PRKG1: variants seen among roughly 807,000 people sequenced by gnomAD.
PRKG1 encodes cGMP-dependent protein kinase 1.
Under a neutral mutation model 88.1 loss-of-function variants are expected in PRKG1, and 35 were observed. That is an observed-to-expected ratio of 0.40 (90% CI 0.30 to 0.53). PRKG1 has a LOEUF of 0.53. Ranked by LOEUF, PRKG1 falls within the 20% of genes least tolerant of loss-of-function variation. PRKG1 has a pLI of 0.59. For missense variants in PRKG1, 540 were observed against 839.8 expected (o/e 0.64, Z 4.41); for synonymous variants, 303 against 292.5 (o/e 1.04, Z -0.37).
chr10:51,399,859 T>C lies in PRKG1; in HGVS notation c.479-67864T>C, dbSNP rs576096623. Among the ~76,000 whole-genome samples the C allele has an allele frequency of 2.0e-5, 3 of 152,258 alleles. No individual in the cohort carries two copies. In the South Asian group the frequency reaches 6.2e-4, roughly 32 times the overall value. ...ATCTGAATCCATTGGTGTCAGCCCA[T>C]GGTGGAGAGCTAGAGCATGGAATGT... On this transcript the variant is annotated intron_variant, in intron 2 of 17. Transcript: ENST00000373980.
intron 17 of PRKG1, 82 bp downstream of exon 17, chr10:52,290,372 G>T: frequency 8.3e-7 from 1 of 1,201,100 alleles, no homozygotes; most frequent in Non-Finnish European, 1.2e-6. Context: ...TATTTTTAAA[G>T]TTTAATCCTA....
At chr10:52,000,172 A>G (rs1844558151) in intron 5 of PRKG1, among the ~76,000 whole-genome samples, 1 of 152,066 alleles carries the variant, frequency 6.6e-6, no homozygotes, top group Admixed American at 6.6e-5. Context: ...AGAGCTCAGG[A>G]TGATACATAT....
At chr10:51,022,709 G>GA (rs560277687) in intron 1 of PRKG1, among the ~76,000 whole-genome samples, 87 of 151,794 alleles carry the variant, frequency 5.7e-4, no homozygotes, top group African/African-American at 2.0e-3. Flanking sequence ...AAATCAATTA[G>GA]AAAAAAAAGA....
chr10:52,273,591 C>T (rs1841790404), intron 12 of PRKG1, among the ~76,000 whole-genome samples: 1 of 151,990 alleles, frequency 6.6e-6, no homozygotes, highest in South Asian at 2.1e-4. Context: ...GTACAACAGG[C>T]CCTTTCGTGT....
At chr10:51,000,996 T>A (rs997589229) in intron 1 of PRKG1, among the ~76,000 whole-genome samples, 3 of 152,218 alleles carry the variant, frequency 2.0e-5, no homozygotes, top group African/African-American at 7.2e-5. Flanking sequence ...TGTGGGGACA[T>A]AGAGTTAGAT....
intron 4 of PRKG1, among the ~76,000 whole-genome samples, chr10:51,853,584 G>A (rs528833464): frequency 6.6e-6 from 1 of 152,256 alleles, no homozygotes; most frequent in South Asian, 2.1e-4. Context: ...TAATTCTTTA[G>A]CAGACAGCAG....
intron 7 of PRKG1, among the ~76,000 whole-genome samples, chr10:52,110,288 C>T (rs934937092): frequency 7.2e-5 from 11 of 151,986 alleles, no homozygotes; most frequent in Non-Finnish European, 1.3e-4. Flanking sequence ...GCGGAGATCG[C>T]GCCACTGCAC....
intron 2 of PRKG1, among the ~76,000 whole-genome samples, chr10:51,455,935 T>C (rs993908744): frequency 1.3e-5 from 2 of 152,222 alleles, no homozygotes; most frequent in African/African-American, 4.8e-5. Context: ...CGTTTTTGGG[T>C]ATCTTTACAG....
At chr10:51,289,669 TGAGAGAGA>T (rs34176694) in intron 2 of PRKG1, among the ~76,000 whole-genome samples, 3 of 148,382 alleles carry the variant, frequency 2.0e-5, no homozygotes, top group Admixed American at 6.7e-5. Flanking sequence ...GTAGATTCCA[TGAGAGAGA>T]GAGAGAGAGA....
chr10:51,041,630 G>T (rs535778644), intron 1 of PRKG1, among the ~76,000 whole-genome samples: 1 of 152,076 alleles, frequency 6.6e-6, no homozygotes, highest in East Asian at 1.9e-4. Context: ...TGGAATTAGG[G>T]CCTGGAATGG....
rs138114454 is a variant in PRKG1 at position 51,098,903 on chromosome 10, T to C, written c.311+24002T>C. On this transcript the variant is annotated intron_variant, in intron 1 of 17. Coordinates refer to ENST00000373980, the MANE Select transcript of PRKG1 (RefSeq NM_006258.4). The stretch of plus-strand genomic sequence containing the variant: ...TGGTTTTTCAGACATCAAGAAAAAC[T>C]GGAAGCATTTAGGAGATTCCACCCA... Among the ~76,000 whole-genome samples the C allele has an allele frequency of 4.1e-4, 62 of 152,318 alleles. 1 individual carries two copies. In the East Asian group the frequency reaches 8.9e-3, roughly 22 times the overall value.
chr10:52,211,984 T>A (rs1219849763), intron 9 of PRKG1, among the ~76,000 whole-genome samples: 1 of 152,134 alleles, frequency 6.6e-6, no homozygotes, highest in Non-Finnish European at 1.5e-5. Context: ...CAAATTAACT[T>A]TTTTATTAGG....
chr10:52,020,896 A>C (rs77521503), intron 5 of PRKG1, among the ~76,000 whole-genome samples: 1 of 152,128 alleles, frequency 6.6e-6, no homozygotes, highest in African/African-American at 2.4e-5. Context: ...GCATTCAATT[A>C]GCATTTTAAT....
chr10:51,388,838 T>C (rs1367424989), intron 2 of PRKG1, among the ~76,000 whole-genome samples: 1 of 152,222 alleles, frequency 6.6e-6, no homozygotes, highest in Admixed American at 6.5e-5. Flanking sequence ...GAAGTTTTTT[T>C]CTCACCAGCG....
At chr10:51,506,482 G>A (rs945785171) in intron 3 of PRKG1, among the ~76,000 whole-genome samples, 11 of 152,156 alleles carry the variant, frequency 7.2e-5, no homozygotes, top group Admixed American at 4.6e-4. Flanking sequence ...CCATCAACAA[G>A]TGGGCAAAGG....
intron 2 of PRKG1, among the ~76,000 whole-genome samples, chr10:51,406,295 G>A (rs1374333438): frequency 6.6e-6 from 1 of 152,174 alleles, no homozygotes; most frequent in East Asian, 1.9e-4. Flanking sequence ...GTAAAGCCTG[G>A]CTCAGGTGCA....
chr10:52,089,973 C>T (rs1349263555), intron 7 of PRKG1, among the ~76,000 whole-genome samples: 5 of 151,806 alleles, frequency 3.3e-5, no homozygotes, highest in Non-Finnish European at 7.4e-5. Flanking sequence ...TGCCACCATG[C>T]CTAGCTAGTT....
At chr10:51,807,079 T>C (rs779699959) in intron 4 of PRKG1, among the ~76,000 whole-genome samples, 7 of 152,234 alleles carry the variant, frequency 4.6e-5, no homozygotes, top group Non-Finnish European at 7.3e-5. Context: ...AGCTTATTTC[T>C]ACTTCTAGAC....
At chr10:51,019,762 C>T (rs1442146697) in intron 1 of PRKG1, among the ~76,000 whole-genome samples, 1 of 151,334 alleles carries the variant, frequency 6.6e-6, no homozygotes, top group Non-Finnish European at 1.5e-5. Flanking sequence ...GAATTAATAT[C>T]CAGAATATGT....
Sources: allele counts gnomAD v4.1 joint callset (sites outside exome capture counted in the v4.1 genomes callset), GRCh38; gene constraint gnomAD v4.1.1; transcripts MANE v1.5; gene names NCBI Gene and HGNC (gene_info 2026-07-23, HGNC 2026-07-21).